Variants in SPTY2D1 observed in about 807,000 individuals in gnomAD.
The protein encoded by SPTY2D1 is protein SPT2 homolog.
SPTY2D1 carries 21 observed loss-of-function variants against 64.0 expected under a neutral mutation model. The observed-to-expected ratio is 0.33, with a 90% CI of 0.23 to 0.47. The LOEUF is 0.47. SPTY2D1 is among the 20% of genes least tolerant of loss of function. The probability of loss-of-function intolerance (pLI) is 1.00; values close to 1 mark genes in which losing one functional copy is unlikely to be tolerated. For synonymous variants in SPTY2D1, 287 were observed against 286.8 expected, an observed-to-expected ratio of 1.00 and a Z score of -0.01; for missense variants, 724 against 837.2, an observed-to-expected ratio of 0.86 and a Z score of 1.67.
At chr11:18,617,712 T>C (rs1049821552) in intron 1 of SPTY2D1, among the ~76,000 whole-genome samples, 2 of 141,634 alleles carry the variant, frequency 1.4e-5, no homozygotes, top group Non-Finnish European at 3.0e-5. Flanking sequence ...GCGGCTGAGG[T>C]GGGAGGATTA....
At chr11:18,611,444 T>C (rs1445227982) in intron 5 of SPTY2D1, 33 bp downstream of exon 5, 1 of 1,599,734 alleles carries the variant, frequency 6.3e-7, no homozygotes, top group Non-Finnish European at 8.6e-7. Context: ...TTTTAGGACA[T>C]TTTTGCACAA....
At chr11:18,610,686 A>AAAAAAAAAAAAAC (rs1554987436) in intron 5 of SPTY2D1, among the ~76,000 whole-genome samples, 2 of 147,186 alleles carry the variant, frequency 1.4e-5, no homozygotes, top group African/African-American at 2.5e-5. Flanking sequence ...AAAAAAAAAA[A>AAAAAAAAAAAAAC]AACAACAATA....
At position 18,609,203 on chromosome 11, in the gene SPTY2D1, T is replaced by TA. The variant is rs1196150463; in HGVS notation, c.*657dup. ...AAGAATATTATACTGTTATAACCTG[T>TA]ATTTTAACTTGAAAATTTTTTCATT... On this transcript the variant is annotated 3_prime_UTR_variant, in exon 6 of 6. Transcript: ENST00000336349. The TA allele has an allele frequency of 6.6e-6, 1 of 152,402 alleles. No homozygotes were observed. The highest frequency in any genetic ancestry group is 1.5e-5 in the Non-Finnish European group (1 of 68,130). The allele number at this position is 152,402 out of a possible 1,614,324, so 9.4% of individuals were successfully genotyped here. A position where few individuals can be genotyped will look rare whatever the true frequency, so the allele number is the denominator to read the frequency against.
At chr11:18,614,175 G>A (rs1854249374) in intron 3 of SPTY2D1, among the ~76,000 whole-genome samples, 1 of 152,198 alleles carries the variant, frequency 6.6e-6, no homozygotes. Context: ...TATAATCCCA[G>A]TATTTTGGGA....
rs1476565500 is a variant in SPTY2D1, at chr11:18,634,267, A to C, written c.-10T>G. 1.2e-6 allele frequency: 2 copies of C among 1,614,004 alleles called. No homozygotes were observed. Among genetic ancestry groups the C allele is most frequent in the Non-Finnish European group, 8.5e-7 (1 of 1,180,032 alleles). ...TTTCTCTGAAGTCCATGTTGGGCCG[A>C]GGCGGGAGAGACTGGGCCAGGCACT... On this transcript the variant is annotated 5_prime_UTR_variant, in exon 1 of 6. Transcript: ENST00000336349.
At chr11:18,610,686 A>C (rs866033093) in intron 5 of SPTY2D1, among the ~76,000 whole-genome samples, 49 of 147,280 alleles carry the variant, frequency 3.3e-4, no homozygotes, top group African/African-American at 8.1e-4. Flanking sequence ...AAAAAAAAAA[A>C]AACAACAATA....
chr11:18,629,626 G>C (rs539670692), intron 1 of SPTY2D1, among the ~76,000 whole-genome samples: 5 of 152,274 alleles, frequency 3.3e-5, no homozygotes, highest in African/African-American at 1.2e-4. Flanking sequence ...TCAAGTGCAA[G>C]TTTACCAAAA....
In SPTY2D1 at chr11:18,615,434, G is replaced by A. The variant is rs1416204451; in HGVS notation, c.840C>T (p.Ser280=). Residue 280 remains serine (S), a synonymous_variant, in exon 3 of 6, where the codon TCC becomes TCT. Coordinates refer to ENST00000336349, the MANE Select transcript of SPTY2D1 (RefSeq NM_194285.3). The stretch of plus-strand genomic sequence containing the variant: ...TGATCCTCTCTCCTGGCATGGATTT[G>A]GATGAAGACAAAGCGAGGTGTTTCT... The part of the protein sequence containing the change: ...ANEKHLALSS[S]KSMPGERIKA... 2.5e-6 allele frequency: 4 copies of A among 1,614,192 alleles called. No individual in the cohort carries two copies. The highest frequency in any genetic ancestry group is 3.3e-5 in the Admixed American group (2 of 60,032).
In SPTY2D1 at chr11:18,615,951, CTCT is replaced by C. The variant is rs66514853; in HGVS notation, c.320_322del (p.Lys107del). 42,633 of 1,614,134 alleles carry C rather than the reference CTCT, an allele frequency of 0.026. 704 individuals are homozygous for C. The highest frequency in any genetic ancestry group is 0.033 in the Non-Finnish European group (38,449 of 1,180,008). On this transcript the variant is annotated inframe_deletion, in exon 3 of 6. Coordinates refer to ENST00000336349, the MANE Select transcript of SPTY2D1 (RefSeq NM_194285.3). ...GCTGGTATGGCTTTCTGTTGCCTGC[CTCT>C]TCTTTGACTTTTCCTCAATAGGAAT...
At chr11:18,613,391 T>G (rs1465858605) in intron 3 of SPTY2D1, among the ~76,000 whole-genome samples, 1 of 152,244 alleles carries the variant, frequency 6.6e-6, no homozygotes, top group Non-Finnish European at 1.5e-5. Context: ...ACTTCTTTTG[T>G]TCTTCTACGG....
intron 2 of SPTY2D1, among the ~76,000 whole-genome samples, chr11:18,616,629 T>C (rs998934238): frequency 6.6e-6 from 1 of 152,012 alleles, no homozygotes; most frequent in Non-Finnish European, 1.5e-5. Flanking sequence ...ACATGGCTAC[T>C]AACCCCCAAA....
rs148237328 is a variant in SPTY2D1, at chr11:18,614,115, C to T, written c.1711+448G>A. 4.6e-5 allele frequency among the ~76,000 whole-genome samples: 7 copies of T among 152,258 alleles called. No homozygotes were observed. The East Asian group carries it at 1.4e-3, about 29-fold the overall frequency. On this transcript the variant is annotated intron_variant, in intron 3 of 5. Coordinates refer to ENST00000336349, the MANE Select transcript of SPTY2D1 (RefSeq NM_194285.3). The stretch of plus-strand genomic sequence containing the variant: ...TCCTAGACAAGTCTCTTTCTAAAGA[C>T]CTTTCCAAGCCATTAAAGGAACTCT...
chr11:18,627,434 AAACAAC>A (rs954360744), intron 1 of SPTY2D1, among the ~76,000 whole-genome samples: 3 of 150,996 alleles, frequency 2.0e-5, no homozygotes. Context: ...CCATCTCCAA[AAACAAC>A]AACAACAACA....
intron 1 of SPTY2D1, among the ~76,000 whole-genome samples, chr11:18,622,631 C>T (rs1854431801): frequency 1.3e-5 from 2 of 152,054 alleles, no homozygotes; most frequent in African/African-American, 4.8e-5. Flanking sequence ...AACATGGTAG[C>T]ATGGGATGCC....
rs375383150 is a variant in SPTY2D1, at chr11:18,614,543, C to T, written c.1711+20G>A. The T allele has an allele frequency of 3.4e-4, 536 of 1,584,836 alleles. 1 individual carries two copies. The highest frequency in any genetic ancestry group is 4.2e-4 in the Non-Finnish European group (494 of 1,164,018). ...TCCTAATGACAAATATATACTCTTT[C>T]GGGTGAGGGGAAATTTTACCTTGGG... On this transcript the variant is annotated intron_variant, in intron 3 of 5. Coordinates refer to ENST00000336349, the MANE Select transcript of SPTY2D1 (RefSeq NM_194285.3).
intron 5 of SPTY2D1, 62 bp from the exon 6 acceptor site, chr11:18,610,016 A>T (rs1854172217): frequency 8.1e-6 from 12 of 1,477,910 alleles, no homozygotes; most frequent in Non-Finnish European, 1.0e-5. Flanking sequence ...TTCCTTAAAA[A>T]GAATGAAAAT....
intron 3 of SPTY2D1, among the ~76,000 whole-genome samples, chr11:18,613,007 G>A (rs1292499214): frequency 6.6e-6 from 1 of 152,146 alleles, no homozygotes; most frequent in Non-Finnish European, 1.5e-5. Flanking sequence ...CAGGTGATCT[G>A]TCTGCCTTGG....
chr11:18,606,910 G>C lies in SPTY2D1; in HGVS notation c.*2951C>G, dbSNP rs1165080589. ...GAGTCTCGCTCTGTCACCCAGCCTG[G>C]AGTGCAGTGGTGCTATCTTGGCTGA... is the stretch of plus-strand genomic sequence containing the variant. On this transcript the variant is annotated 3_prime_UTR_variant, in exon 6 of 6. Coordinates refer to ENST00000336349, the MANE Select transcript of SPTY2D1 (RefSeq NM_194285.3). The C allele has an allele frequency of 9.2e-6, 3 of 326,668 alleles. No individual in the cohort carries two copies. The highest frequency in any genetic ancestry group is 7.0e-5 in the African/African-American group (3 of 43,124). The allele number at this position is 326,668 out of a possible 1,614,324, so 20.2% of individuals were successfully genotyped here. A position where few individuals can be genotyped will look rare whatever the true frequency, so the allele number is the denominator to read the frequency against.
Position 18,614,815 on chromosome 11 carries a change from G to C in SPTY2D1, c.1459C>G (p.Arg487Gly), listed in dbSNP as rs139020346. 5 of 1,612,936 alleles carry C rather than the reference G, an allele frequency of 3.1e-6. No individual in the cohort carries two copies. The highest frequency in any genetic ancestry group is 2.2e-5 in the South Asian group (2 of 90,968). ...RPVSGLGPPG[R>G]SVSGPGRSIS... is the part of the protein sequence containing the mutation. ...GATCTCCCAGGGCCACTGACAGACC[G>C]CCCCGGGGGGCCCAAGCCACTCACT... Residue 487 changes from arginine to glycine, a missense_variant, in exon 3 of 6, where the codon CGG (arginine) becomes GGG (glycine). By Grantham distance (125) the Arg-to-Gly change is moderately radical. This residue lies in a region of SPTY2D1 where 426 missense variants were observed against 431.8 expected (regional missense o/e 0.99). Transcript: ENST00000336349.
Sources: gnomAD v4.1 joint callset for allele counts (sites outside exome capture counted in the v4.1 genomes callset) on GRCh38, gnomAD v4.1.1 for gene constraint, gnomAD v4.1.1 regional missense constraint, MANE v1.5 for transcripts, NCBI Gene and HGNC (gene_info 2026-07-23, HGNC 2026-07-21) for gene names.